The following XYLT1 variants were observed in gnomAD, a reference collection of about 807,000 sequenced individuals.
XYLT1 encodes xylosyltransferase 1.
In XYLT1, 36 loss-of-function variants were observed where a neutral mutation model predicts 91.3. The ratio of observed to expected loss-of-function variants is 0.39; its 90% confidence interval spans 0.30 to 0.52. XYLT1 has a LOEUF of 0.52. XYLT1 is among the 20% of genes least tolerant of loss of function. XYLT1 has a pLI of 0.68. For synonymous variants in XYLT1, 588 were observed against 532.0 expected, an observed-to-expected ratio of 1.11 and a Z score of -1.45; for missense variants, 1,242 against 1,284.5, an observed-to-expected ratio of 0.97 and a Z score of 0.51.
intron 2 of XYLT1, among the ~76,000 whole-genome samples, chr16:17,310,380 TC>T (rs750597209): frequency 8.3e-4 from 127 of 152,172 alleles, no homozygotes; most frequent in Non-Finnish European, 1.2e-3. Flanking sequence ...TCATACAGTC[TC>T]CGTACACTGG....
chr16:17,448,582 G>A (rs967194433), intron 1 of XYLT1, among the ~76,000 whole-genome samples: 2 of 151,984 alleles, frequency 1.3e-5, no homozygotes, highest in African/African-American at 4.8e-5. Flanking sequence ...AGGAGGGAGA[G>A]GAAGAGGCAG....
chr16:17,287,515 G>C (rs545717863), intron 2 of XYLT1, among the ~76,000 whole-genome samples: 38 of 152,270 alleles, frequency 2.5e-4, no homozygotes, highest in African/African-American at 8.2e-4. Context: ...CCCCAATCAG[G>C]CAGCCACTTC....
intron 2 of XYLT1, among the ~76,000 whole-genome samples, chr16:17,309,259 G>A (rs769764220): frequency 1.3e-4 from 20 of 152,090 alleles, no homozygotes; most frequent in African/African-American, 2.7e-4. Flanking sequence ...AGTAGCATCC[G>A]TCCCCCGTAG....
chr16:17,351,001 G>A (rs1274056661), intron 2 of XYLT1, among the ~76,000 whole-genome samples: 2 of 152,116 alleles, frequency 1.3e-5, no homozygotes, highest in Non-Finnish European at 2.9e-5. Context: ...CCCCAGCCAA[G>A]TAGCTGGATT....
intron 11 of XYLT1, 143 bp from the exon 12 acceptor site, chr16:17,109,160 T>C (rs1966820216): frequency 2.2e-6 from 2 of 919,176 alleles, no homozygotes; most frequent in East Asian, 5.8e-5. Flanking sequence ...GAAGTTCTTT[T>C]AGCAGTCCCA....
intron 2 of XYLT1, among the ~76,000 whole-genome samples, chr16:17,267,177 G>A (rs531272595): frequency 1.2e-3 from 179 of 152,304 alleles, no homozygotes; most frequent in African/African-American, 4.1e-3. Flanking sequence ...ACTCTGAGAC[G>A]GAGGGCAAGA....
chr16:17,418,884 G>A (rs2036214619), intron 1 of XYLT1, among the ~76,000 whole-genome samples: 1 of 151,824 alleles, frequency 6.6e-6, no homozygotes, highest in Non-Finnish European at 1.5e-5. Context: ...CTGTTCTTAT[G>A]TCATTACACT....
intron 5 of XYLT1, among the ~76,000 whole-genome samples, chr16:17,192,090 CTCTT>C (rs1361170320): frequency 2.1e-5 from 3 of 141,400 alleles, no homozygotes; most frequent in Non-Finnish European, 4.6e-5. Context: ...CTCTCTCTCT[CTCTT>C]TTTTTTTTTT....
intron 3 of XYLT1, among the ~76,000 whole-genome samples, chr16:17,218,647 G>C (rs925935764): frequency 6.6e-5 from 10 of 152,082 alleles, no homozygotes; most frequent in African/African-American, 2.2e-4. Flanking sequence ...TCAAATATGT[G>C]GAAATTGTTA....
chr16:17,341,453 A>G (rs939974230), intron 2 of XYLT1, among the ~76,000 whole-genome samples: 4 of 152,224 alleles, frequency 2.6e-5, no homozygotes, highest in African/African-American at 9.6e-5. Flanking sequence ...ACCATAAAAT[A>G]TGTTTCAGAA....
At chr16:17,361,385 T>C (rs2035379469) in intron 1 of XYLT1, among the ~76,000 whole-genome samples, 1 of 152,242 alleles carries the variant, frequency 6.6e-6, no homozygotes, top group South Asian at 2.1e-4. Flanking sequence ...CACTGAGTTT[T>C]GAAGTCATTT....
At chr16:17,246,510 G>T (rs749896744) in intron 3 of XYLT1, among the ~76,000 whole-genome samples, 1 of 152,210 alleles carries the variant, frequency 6.6e-6, no homozygotes, top group African/African-American at 2.4e-5. Flanking sequence ...TGTGGGTTTT[G>T]AAGTTAGGCA....
rs1320933000 is a variant in XYLT1 at position 17,312,682 on chromosome 16, T to C, written c.402+45330A>G. Among the ~76,000 whole-genome samples the C allele has an allele frequency of 6.6e-6, 1 of 152,238 alleles. No individual in the cohort carries two copies. Among genetic ancestry groups the C allele is most frequent in the Non-Finnish European group, 1.5e-5 (1 of 68,036 alleles). On this transcript the variant is annotated intron_variant, in intron 2 of 11. Transcript: ENST00000261381. This position sits in a 1 kb window ranked among gnomAD's most constrained non-coding sequence, Gnocchi z 4.4. ...ATACTCATGTGTGTATCCGTGATTC[T>C]ATTTACTGTTTAATCTTCACAGCAA...
intron 3 of XYLT1, among the ~76,000 whole-genome samples, chr16:17,242,113 T>C (rs1360672896): frequency 1.3e-5 from 2 of 152,174 alleles, no homozygotes; most frequent in African/African-American, 4.8e-5. Context: ...TACCTCCCAC[T>C]AGGTCCCTCC....
intron 1 of XYLT1, among the ~76,000 whole-genome samples, chr16:17,362,261 G>A (rs1288185801): frequency 6.6e-6 from 1 of 151,242 alleles, no homozygotes; most frequent in African/African-American, 2.4e-5. Flanking sequence ...TTTACCATCT[G>A]TCTTTTTTAA....
intron 1 of XYLT1, among the ~76,000 whole-genome samples, chr16:17,390,107 A>T (rs552428600): frequency 6.6e-6 from 1 of 152,288 alleles, no homozygotes; most frequent in South Asian, 2.1e-4. Flanking sequence ...AACGTCAGGG[A>T]AGTCAACTCT....
At chr16:17,136,990 C>T (rs1403657606) in intron 8 of XYLT1, among the ~76,000 whole-genome samples, 1 of 152,122 alleles carries the variant, frequency 6.6e-6, no homozygotes, top group Non-Finnish European at 1.5e-5. Flanking sequence ...CATGGGAATT[C>T]ATTGAATAGG....
intron 3 of XYLT1, among the ~76,000 whole-genome samples, chr16:17,216,850 C>G (rs1219975965): frequency 6.6e-6 from 1 of 152,172 alleles, no homozygotes; most frequent in East Asian, 1.9e-4. Context: ...GACTACATCT[C>G]TAAGCACAGT....
rs180696023 is a variant in XYLT1 at position 17,186,618 on chromosome 16, G to A, written c.1289+11594C>T. ...CGCCTGCTGAACTCTGAATTTCTGA[G>A]AATCACATAGAACCTTGATTTGACC... On this transcript the variant is annotated intron_variant, in intron 5 of 11. Coordinates refer to ENST00000261381, the MANE Select transcript of XYLT1 (RefSeq NM_022166.4). Among the ~76,000 whole-genome samples the A allele has an allele frequency of 2.0e-5, 3 of 152,134 alleles. No homozygotes were observed. The East Asian group carries it at 5.8e-4, about 29-fold the overall frequency.
Sources: allele counts gnomAD v4.1 joint callset (sites outside exome capture counted in the v4.1 genomes callset), GRCh38; gene constraint gnomAD v4.1.1; non-coding constraint Gnocchi (gnomAD v3.1); transcripts MANE v1.5; gene names NCBI Gene and HGNC (gene_info 2026-07-23, HGNC 2026-07-21).